Variants in KCNQ5 observed in about 807,000 individuals in gnomAD.
KCNQ5 encodes the protein potassium voltage-gated channel subfamily KQT member 5.
In KCNQ5, 30 loss-of-function variants were observed where a neutral mutation model predicts 98.2. The observed-to-expected ratio is 0.31, with a 90% CI of 0.23 to 0.41. The LOEUF is 0.41. Among genes scored for constraint, KCNQ5 ranks in the 10% least tolerant of loss-of-function variants. The pLI is 1.00. For synonymous variants in KCNQ5, 458 were observed against 449.4 expected (o/e 1.02, Z -0.24); for missense variants, 835 against 1,182.5 (o/e 0.71, Z 4.31).
At chr6:72,887,518 T>C (rs1778892010) in intron 1 of KCNQ5, among the ~76,000 whole-genome samples, 1 of 152,154 alleles carries the variant, frequency 6.6e-6, no homozygotes, top group Admixed American at 6.6e-5. Context: ...GAAAGTATGA[T>C]GAATAGATAA....
chr6:72,807,911 G>A (rs1471724500), intron 1 of KCNQ5, among the ~76,000 whole-genome samples: 1 of 152,190 alleles, frequency 6.6e-6, no homozygotes, highest in Non-Finnish European at 1.5e-5. Flanking sequence ...CAGAGCAAAA[G>A]TACATGGTTT....
intron 1 of KCNQ5, among the ~76,000 whole-genome samples, chr6:72,763,983 T>G (rs1285984744): frequency 6.6e-6 from 1 of 151,928 alleles, no homozygotes; most frequent in African/African-American, 2.4e-5. Context: ...GATCCAGTAC[T>G]CTCTTTTGTA....
chr6:73,077,121 A>G (rs1373285339), intron 3 of KCNQ5, among the ~76,000 whole-genome samples: 1 of 152,234 alleles, frequency 6.6e-6, no homozygotes, highest in Non-Finnish European at 1.5e-5. Context: ...CTACAGCAAT[A>G]GGTAGGTCCC....
intron 1 of KCNQ5, among the ~76,000 whole-genome samples, chr6:72,886,271 C>A (rs998075781): frequency 6.6e-6 from 1 of 152,036 alleles, no homozygotes; most frequent in Non-Finnish European, 1.5e-5. Context: ...AGGCATCATA[C>A]CTGAAAGAAG....
chr6:73,169,216 G>C (rs932587486), intron 10 of KCNQ5, among the ~76,000 whole-genome samples: 1 of 152,114 alleles, frequency 6.6e-6, no homozygotes, highest in Non-Finnish European at 1.5e-5. Flanking sequence ...AGCTTTGGCT[G>C]TATGATCTGA....
rs186985749 is a variant in KCNQ5 at position 73,123,350 on chromosome 6, A to G, written c.1221-1136A>G. 3.0e-4 allele frequency among the ~76,000 whole-genome samples: 45 copies of G among 152,234 alleles called. No homozygotes were observed. The Middle Eastern group carries it at 0.01, about 35-fold the overall frequency. Reference sequence around the variant, plus strand: ...AACAATATCATCATCATCATCATCAATGTTACTGTTATCATTAAAAAACAC... The same window carrying G: ...AACAATATCATCATCATCATCATCAGTGTTACTGTTATCATTAAAAAACAC... On this transcript the variant is annotated intron_variant, in intron 8 of 13. Transcript: ENST00000370398.
chr6:73,007,121 G>T (rs937015644), intron 2 of KCNQ5, among the ~76,000 whole-genome samples: 1 of 152,142 alleles, frequency 6.6e-6, no homozygotes, highest in East Asian at 1.9e-4. Context: ...ATCCAGAATG[G>T]CACTGCCAAC....
intron 1 of KCNQ5, among the ~76,000 whole-genome samples, chr6:72,925,546 T>G (rs897954408): frequency 1.4e-4 from 22 of 152,318 alleles, no homozygotes; most frequent in African/African-American, 5.3e-4. Context: ...AAATATGGCC[T>G]CAGTTCCTGG....
At chr6:72,968,451 G>GA (rs199957574) in intron 1 of KCNQ5, among the ~76,000 whole-genome samples, 2,953 of 144,126 alleles carry the variant, frequency 0.02, 94 homozygotes, top group African/African-American at 0.071. Context: ...AGAAATAAGT[G>GA]AAAAAAAAAA....
intron 12 of KCNQ5, among the ~76,000 whole-genome samples, chr6:73,192,257 TTG>T (rs1765619584): frequency 6.6e-6 from 1 of 152,218 alleles, no homozygotes; most frequent in African/African-American, 2.4e-5. Context: ...TTGTCATATT[TTG>T]AAATGGTTAA....
chr6:72,710,929 A>G (rs1307733567), intron 1 of KCNQ5, among the ~76,000 whole-genome samples: 1 of 152,194 alleles, frequency 6.6e-6, no homozygotes, highest in East Asian at 1.9e-4. Context: ...TGCAGAACAG[A>G]TACTAGGTTA....
intron 1 of KCNQ5, among the ~76,000 whole-genome samples, chr6:72,902,358 G>T (rs1326701124): frequency 1.3e-5 from 2 of 152,146 alleles, no homozygotes; most frequent in African/African-American, 4.8e-5. Context: ...GATCGCTCTG[G>T]CTAGGACTTC....
chr6:72,937,812 T>C (rs748373765), intron 1 of KCNQ5, among the ~76,000 whole-genome samples: 1 of 152,206 alleles, frequency 6.6e-6, no homozygotes, highest in Non-Finnish European at 1.5e-5. Flanking sequence ...GGGTTAAAGA[T>C]AATGGGAGTT....
At chr6:72,876,362 C>T (rs1278623528) in intron 1 of KCNQ5, among the ~76,000 whole-genome samples, 2 of 151,684 alleles carry the variant, frequency 1.3e-5, no homozygotes, top group African/African-American at 4.8e-5. Flanking sequence ...TAATGAAAAC[C>T]ACAAATTGGA....
intron 1 of KCNQ5, among the ~76,000 whole-genome samples, chr6:72,834,338 A>G (rs1370425335): frequency 6.6e-6 from 1 of 152,158 alleles, no homozygotes; most frequent in Non-Finnish European, 1.5e-5. Flanking sequence ...GTACTGCTCA[A>G]AAGCAATTCT....
chr6:72,720,361 AT>A (rs921134841), intron 1 of KCNQ5, among the ~76,000 whole-genome samples: 25 of 152,234 alleles, frequency 1.6e-4, no homozygotes, highest in Admixed American at 4.6e-4. Context: ...GAATTAGTGC[AT>A]TTTTTTAAGT....
intron 1 of KCNQ5, among the ~76,000 whole-genome samples, chr6:72,892,053 A>G (rs1352512290): frequency 2.6e-5 from 4 of 152,170 alleles, no homozygotes; most frequent in Non-Finnish European, 5.9e-5. Context: ...TCCCCATGTA[A>G]GAGGCTACTC....
At chr6:73,020,716 A>T (rs1233574289) in intron 2 of KCNQ5, among the ~76,000 whole-genome samples, 1 of 152,120 alleles carries the variant, frequency 6.6e-6, no homozygotes. Context: ...TCCAGCTACC[A>T]GTCAATTCAT....
At chr6:72,747,496 G>A (rs925518698) in intron 1 of KCNQ5, among the ~76,000 whole-genome samples, 1 of 152,044 alleles carries the variant, frequency 6.6e-6, no homozygotes. Flanking sequence ...AGTACCTTCT[G>A]TTTCATGATG....
Sources: allele counts gnomAD v4.1 joint callset (sites outside exome capture counted in the v4.1 genomes callset), GRCh38; gene constraint gnomAD v4.1.1; transcripts MANE v1.5; gene names NCBI Gene and HGNC (gene_info 2026-07-23, HGNC 2026-07-21).